COL11A1: variants seen among roughly 807,000 people sequenced by gnomAD.
The protein encoded by COL11A1 is collagen type XI alpha 1 chain, also known as collagen alpha-1(XI) chain.
A neutral mutation model predicts 265.2 loss-of-function variants in COL11A1; 74 were observed. The ratio of observed to expected loss-of-function variants is 0.28; its 90% CI spans 0.23 to 0.34. The LOEUF is 0.34. Ranked by LOEUF, COL11A1 falls within the 10% of genes least tolerant of loss-of-function variation. COL11A1 has a pLI of 1.00. For missense variants in COL11A1, 2,165 were observed against 2,263.6 expected (o/e 0.96, Z 0.88); for synonymous variants, 816 against 727.6 (o/e 1.12, Z -1.96).
At chr1:103,081,155 TTAAA>T (rs1468742653) in intron 2 of COL11A1, among the ~76,000 whole-genome samples, 2 of 151,870 alleles carry the variant, frequency 1.3e-5, no homozygotes, top group Non-Finnish European at 2.9e-5. Flanking sequence ...CTCTTATCAC[TTAAA>T]TATATAGTAT....
At chr1:103,046,058 G>C (rs1438120828) in intron 4 of COL11A1, among the ~76,000 whole-genome samples, 2 of 151,414 alleles carry the variant, frequency 1.3e-5, no homozygotes, top group African/African-American at 4.9e-5. Context: ...TTGCTATTTT[G>C]AATAGTGCTG....
At chr1:103,037,356 T>C (rs1668460633) in intron 4 of COL11A1, among the ~76,000 whole-genome samples, 1 of 151,954 alleles carries the variant, frequency 6.6e-6, no homozygotes, top group African/African-American at 2.4e-5. Flanking sequence ...CACATGTCAA[T>C]GTGTTAGTGC....
chr1:103,014,962 C>T (rs974843344), intron 12 of COL11A1, among the ~76,000 whole-genome samples: 2 of 152,010 alleles, frequency 1.3e-5, no homozygotes, highest in Non-Finnish European at 2.9e-5. Context: ...GTGACAGTTA[C>T]AGCTCAATCT....
chr1:102,933,435 G>A (rs900762583), intron 46 of COL11A1, among the ~76,000 whole-genome samples: 1 of 150,966 alleles, frequency 6.6e-6, no homozygotes, highest in Non-Finnish European at 1.5e-5. Flanking sequence ...CACTTGAGGA[G>A]GCAGTCTGCC....
intron 46 of COL11A1, among the ~76,000 whole-genome samples, chr1:102,931,877 G>T (rs1202814922): frequency 1.3e-5 from 2 of 151,068 alleles, no homozygotes; most frequent in Non-Finnish European, 3.0e-5. Context: ...GATCTTTGTT[G>T]GTTTAAAGTC....
Position 102,970,554 on chromosome 1 carries a change from G to A in COL11A1, c.2809-282C>T, listed in dbSNP as rs532206549. On this transcript the variant is annotated intron_variant, in intron 36 of 66. Coordinates refer to ENST00000370096, the MANE Select transcript of COL11A1 (RefSeq NM_001854.4). The stretch of plus-strand genomic sequence containing the variant: ...TCATTTGTAAAATAATATTTGCAAA[G>A]GTTTGTATTTTCGTTTTTGTGAAAA... Among the ~76,000 whole-genome samples, 4 of 152,106 alleles carry A rather than the reference G, an allele frequency of 2.6e-5. No homozygotes were observed. The South Asian group carries it at 8.3e-4, about 32-fold the overall frequency.
intron 1 of COL11A1, among the ~76,000 whole-genome samples, chr1:103,090,068 G>A (rs920166634): frequency 9.3e-5 from 14 of 150,008 alleles, no homozygotes; most frequent in Admixed American, 8.6e-4. Context: ...AGGTTGCAGC[G>A]AGCCGAGATC....
At position 102,951,513 on chromosome 1, in the gene COL11A1, C is replaced by T. The variant is rs377672822; in HGVS notation, c.3169-4557G>A. Among the ~76,000 whole-genome samples, 112 of 152,134 alleles carry T rather than the reference C, an allele frequency of 7.4e-4. 8 individuals are homozygous for T. The South Asian group carries it at 0.022, about 30-fold the overall frequency. On this transcript the variant is annotated intron_variant, in intron 41 of 66. Coordinates refer to ENST00000370096, the MANE Select transcript of COL11A1 (RefSeq NM_001854.4). ...GAGATTGAGACCATCCTGGCTAACA[C>T]GGTGAAACCCTGTCTCTACCAAATA... is the stretch of plus-strand genomic sequence containing the variant.
intron 1 of COL11A1, among the ~76,000 whole-genome samples, chr1:103,106,297 C>G (rs1326208458): frequency 3.9e-5 from 6 of 152,126 alleles, no homozygotes; most frequent in African/African-American, 1.4e-4. Flanking sequence ...CATCCATCAC[C>G]GAAGAAATTC....
intron 1 of COL11A1, among the ~76,000 whole-genome samples, chr1:103,095,477 A>G (rs1279668787): frequency 6.6e-6 from 1 of 152,108 alleles, no homozygotes; most frequent in Non-Finnish European, 1.5e-5. Context: ...GGCAAAGTCT[A>G]GAAAGTCATA....
chr1:102,961,525 T>C (rs968367276), intron 41 of COL11A1, among the ~76,000 whole-genome samples: 2 of 152,210 alleles, frequency 1.3e-5, no homozygotes, highest in Non-Finnish European at 2.9e-5. Flanking sequence ...ATAATAGATG[T>C]AAATGAAGTA....
At chr1:103,086,572 A>G (rs554319820) in intron 1 of COL11A1, among the ~76,000 whole-genome samples, 15 of 152,050 alleles carry the variant, frequency 9.9e-5, no homozygotes, top group Non-Finnish European at 2.1e-4. Flanking sequence ...GCCCGCCACC[A>G]CGCCCGGCTA....
intron 24 of COL11A1, 189 bp downstream of exon 24, chr1:103,001,736 C>A: frequency 1.6e-6 from 1 of 612,752 alleles, no homozygotes; most frequent in South Asian, 2.2e-5. Flanking sequence ...GAAGTTTTAT[C>A]ATTCTCAGTT....
chr1:102,924,924 T>C lies in COL11A1; in HGVS notation c.3601-1535A>G, dbSNP rs182135977. On this transcript the variant is annotated intron_variant, in intron 46 of 66. Transcript: ENST00000370096. ...AGACAAATAGCAAACATAGTAATCG[T>C]TTCTAATATTGTAGGATTATGGATT... 1.2e-3 allele frequency among the ~76,000 whole-genome samples: 185 copies of C among 152,092 alleles called. No individual in the cohort carries two copies. In the Middle Eastern group the frequency reaches 0.014, roughly 11 times the overall value.
In COL11A1 at chr1:102,939,073, G is replaced by T. The variant is rs752004106; in HGVS notation, c.3400C>A (p.Pro1134Thr). 3 of 1,613,506 alleles carry T rather than the reference G, an allele frequency of 1.9e-6. No individual in the cohort carries two copies. The highest frequency in any genetic ancestry group is 1.7e-6 in the Non-Finnish European group (2 of 1,179,786). ...EDGDKGEIGE[P>T]GQKGSKGDKG... ...TCACCCTTGCTGCCTTTTTGTCCCG[G>T]CTCACCAATTTCACCCTGAAATTGA... The change falls in exon 44 of 67, where the codon CCG (proline) becomes ACG (threonine). Residue 1134 changes from proline (P) to threonine (T), a missense_variant. Physicochemically the swap from Pro to Thr is conservative, Grantham distance 38. Coordinates refer to ENST00000370096, the MANE Select transcript of COL11A1 (RefSeq NM_001854.4).
intron 4 of COL11A1, among the ~76,000 whole-genome samples, chr1:103,069,577 C>T (rs1271560888): frequency 1.3e-5 from 2 of 151,732 alleles, no homozygotes; most frequent in Admixed American, 1.3e-4. Context: ...AAAGCATTTA[C>T]ACTTGGAAAG....
At chr1:102,999,778 A>T (rs1303105204) in intron 24 of COL11A1, among the ~76,000 whole-genome samples, 1 of 151,914 alleles carries the variant, frequency 6.6e-6, no homozygotes, top group African/African-American at 2.4e-5. Context: ...TATTTACCAA[A>T]TTTTCGAAGC....
At chr1:103,011,691 A>G (rs1383494682) in intron 14 of COL11A1, among the ~76,000 whole-genome samples, 1 of 151,010 alleles carries the variant, frequency 6.6e-6, no homozygotes, top group Non-Finnish European at 1.5e-5. Flanking sequence ...ACGTTCTGTA[A>G]ATAGCAGAAA....
At chr1:102,892,056 T>A (rs1246592520) in intron 57 of COL11A1, among the ~76,000 whole-genome samples, 1 of 152,270 alleles carries the variant, frequency 6.6e-6, no homozygotes, top group African/African-American at 2.4e-5. Flanking sequence ...ATGATTTATA[T>A]GTGACTTATG....
Sources: gnomAD v4.1 joint callset for allele counts (sites outside exome capture counted in the v4.1 genomes callset) on GRCh38, gnomAD v4.1.1 for gene constraint, MANE v1.5 for transcripts, NCBI Gene and HGNC (gene_info 2026-07-23, HGNC 2026-07-21) for gene names.